Variants in GTF2B observed in about 807,000 individuals in gnomAD.
The protein encoded by GTF2B is transcription initiation factor IIB.
A neutral mutation model predicts 34.6 loss-of-function variants in GTF2B; 20 were observed. The ratio of observed to expected loss-of-function variants is 0.58; its 90% CI spans 0.41 to 0.84. The LOEUF is 0.84. Ranked by LOEUF, GTF2B falls within the 40% of genes least tolerant of loss-of-function variation. GTF2B has a pLI of 0.00. For missense variants in GTF2B, 237 were observed against 393.3 expected, an observed-to-expected ratio of 0.60 and a Z score of 3.36; for synonymous variants, 142 against 132.4, an observed-to-expected ratio of 1.07 and a Z score of -0.50.
At chr1:88,871,793 G>C (rs1364213966) in intron 2 of GTF2B, among the ~76,000 whole-genome samples, 1 of 152,048 alleles carries the variant, frequency 6.6e-6, no homozygotes, top group African/African-American at 2.4e-5. Flanking sequence ...ATGCAATGGG[G>C]TAATCTCAGC....
At chr1:88,855,840 GAGACA>G (rs1475434367) in intron 6 of GTF2B, among the ~76,000 whole-genome samples, 1 of 152,298 alleles carries the variant, frequency 6.6e-6, no homozygotes, top group East Asian at 1.9e-4. Flanking sequence ...GTTTTTAGTA[GAGACA>G]GGGTTTTGCC....
At position 88,857,420 on chromosome 1, in the gene GTF2B, C is replaced by T. The variant is rs144031996; in HGVS notation, c.603G>A (p.Ala201=). The change falls in exon 6 of 7, where the codon GCG becomes GCA. Residue 201 remains alanine (A), a synonymous_variant. Coordinates refer to ENST00000370500, the MANE Select transcript of GTF2B (RefSeq NM_001514.6). ...TAATCAAATCCACACTGGTTTCTAG[C>T]GCTTTCAAAATAAGTTTAAAACACC... ...IGRCFKLILK[A]LETSVDLITT... The T allele has an allele frequency of 2.5e-5, 40 of 1,608,330 alleles. No individual in the cohort carries two copies. The highest frequency in any genetic ancestry group is 1.6e-4 in the South Asian group (15 of 90,932).
intron 2 of GTF2B, among the ~76,000 whole-genome samples, chr1:88,868,925 C>G (rs34946314): frequency 0.14 from 20,662 of 151,840 alleles, 3,234 homozygotes; most frequent in African/African-American, 0.38. Flanking sequence ...TTTTTTAGTG[C>G]AGACAGGGTT....
At chr1:88,885,750 CA>C (rs1674052605) in intron 2 of GTF2B, among the ~76,000 whole-genome samples, 1 of 152,056 alleles carries the variant, frequency 6.6e-6, no homozygotes, top group Non-Finnish European at 1.5e-5. Context: ...AACTCCGTCT[CA>C]AAAAACAAAC....
chr1:88,887,824 T>G (rs2100982124), intron 1 of GTF2B: 1 of 172,948 alleles, frequency 5.8e-6, no homozygotes, highest in East Asian at 1.8e-4. Context: ...AATAGTACAC[T>G]GAACCCAGTA....
intron 2 of GTF2B, among the ~76,000 whole-genome samples, chr1:88,874,751 A>T (rs1276274901): frequency 2.0e-5 from 3 of 152,164 alleles, no homozygotes; most frequent in East Asian, 3.8e-4. Context: ...AACCTGTAGT[A>T]GAGAATTCAG....
intron 2 of GTF2B, among the ~76,000 whole-genome samples, chr1:88,867,899 G>C (rs1673597434): frequency 6.6e-6 from 1 of 152,142 alleles, no homozygotes; most frequent in African/African-American, 2.4e-5. Context: ...TGATCTAAAT[G>C]ACTCGTTCAA....
In GTF2B at chr1:88,887,374, G is replaced by T; in HGVS notation, c.18-7C>A. 1 of 1,553,390 alleles carries T rather than the reference G, an allele frequency of 6.4e-7. No homozygotes were observed. The highest frequency in any genetic ancestry group is 8.9e-7 in the Non-Finnish European group (1 of 1,125,370). On this transcript the variant is annotated splice_polypyrimidine_tract_variant and splice_region_variant and intron_variant, in intron 1 of 6. Coordinates refer to ENST00000370500, the MANE Select transcript of GTF2B (RefSeq NM_001514.6). Reference sequence around the variant, plus strand: ...TCTTGGAAGAGCATCCAAACTAAAAGAAAAAAGTTGTATTTTTACATCTTC... The same window carrying T: ...TCTTGGAAGAGCATCCAAACTAAAATAAAAAAGTTGTATTTTTACATCTTC...
intron 2 of GTF2B, among the ~76,000 whole-genome samples, chr1:88,875,427 T>C (rs777496820): frequency 2.6e-5 from 4 of 152,294 alleles, no homozygotes; most frequent in Non-Finnish European, 1.5e-5. Flanking sequence ...GGATATCTTA[T>C]TACATTTCAA....
chr1:88,885,473 C>T (rs531763216), intron 2 of GTF2B, among the ~76,000 whole-genome samples: 22 of 137,806 alleles, frequency 1.6e-4, no homozygotes, highest in Non-Finnish European at 2.7e-4. Context: ...TTTGGCCAGG[C>T]GCAGTGGCTC....
At chr1:88,855,194 G>A (rs1483890767) in intron 6 of GTF2B, among the ~76,000 whole-genome samples, 1 of 152,140 alleles carries the variant, frequency 6.6e-6, no homozygotes, top group African/African-American at 2.4e-5. Flanking sequence ...GTGAGTGAAG[G>A]CCAAAGGGAA....
chr1:88,873,063 C>A (rs1673735122), intron 2 of GTF2B, among the ~76,000 whole-genome samples: 1 of 152,046 alleles, frequency 6.6e-6, no homozygotes, highest in Non-Finnish European at 1.5e-5. Context: ...TCAATCCAAT[C>A]CAGATAATCT....
At position 88,882,398 on chromosome 1, in the gene GTF2B, C is replaced by T. The variant is rs192964846; in HGVS notation, c.124+4863G>A. Among the ~76,000 whole-genome samples, 360 of 148,712 alleles carry T rather than the reference C, an allele frequency of 2.4e-3. 2 individuals carry two copies. Among genetic ancestry groups the T allele is most frequent in the African/African-American group, 8.6e-3 (348 of 40,500 alleles). ...TATCTTCAATCTCATGTATGTCTGT[C>T]TCACTCGTACACATTATCAGTTTGA... On this transcript the variant is annotated intron_variant, in intron 2 of 6. Coordinates refer to ENST00000370500, the MANE Select transcript of GTF2B (RefSeq NM_001514.6).
intron 2 of GTF2B, among the ~76,000 whole-genome samples, chr1:88,870,751 T>G (rs1673673172): frequency 6.6e-6 from 1 of 152,188 alleles, no homozygotes; most frequent in Admixed American, 6.5e-5. Flanking sequence ...TGCTCTTGAT[T>G]TTAAACTGAA....
intron 2 of GTF2B, among the ~76,000 whole-genome samples, chr1:88,865,802 G>C (rs1673534476): frequency 6.6e-6 from 1 of 151,222 alleles, no homozygotes. Context: ...GGTGAACTGA[G>C]ATCGCAACAA....
intron 2 of GTF2B, among the ~76,000 whole-genome samples, chr1:88,871,154 G>A (rs188135547): frequency 1.6e-3 from 247 of 152,194 alleles, no homozygotes; most frequent in Non-Finnish European, 2.9e-3. Flanking sequence ...CGCAAACATT[G>A]GCCTCCCAAA....
At chr1:88,872,935 A>G (rs1673731975) in intron 2 of GTF2B, among the ~76,000 whole-genome samples, 1 of 152,188 alleles carries the variant, frequency 6.6e-6, no homozygotes, top group African/African-American at 2.4e-5. Context: ...TAATTAAACT[A>G]TATTAGGGGC....
intron 6 of GTF2B, among the ~76,000 whole-genome samples, chr1:88,856,266 C>G (rs1426935019): frequency 3.4e-4 from 2 of 5,956 alleles, no homozygotes; most frequent in Non-Finnish European, 5.5e-4. Flanking sequence ...GAGACTGTTT[C>G]AAAAACAAAA....
intron 6 of GTF2B, among the ~76,000 whole-genome samples, chr1:88,854,637 A>C (rs1476093012): frequency 6.6e-6 from 1 of 151,770 alleles, no homozygotes; most frequent in Non-Finnish European, 1.5e-5. Context: ...TGAGTAGCTG[A>C]GGCACCTGCC....
Sources: gnomAD v4.1 joint callset for allele counts (sites outside exome capture counted in the v4.1 genomes callset) on GRCh38, gnomAD v4.1.1 for gene constraint, MANE v1.5 for transcripts, NCBI Gene and HGNC (gene_info 2026-07-23, HGNC 2026-07-21) for gene names.